The following KCNMA1 variants were observed in gnomAD, a reference collection of about 807,000 sequenced individuals.
KCNMA1 encodes Calcium-activated potassium channel subunit alpha-1.
Under a neutral mutation model 140.0 loss-of-function variants are expected in KCNMA1, and 29 were observed. The ratio of observed to expected loss-of-function variants is 0.21; its 90% CI spans 0.15 to 0.28. The LOEUF (loss-of-function observed/expected upper bound fraction) is 0.28, where lower values mean the gene tolerates loss of function less well. Ranked by LOEUF, KCNMA1 falls within the 10% of genes least tolerant of loss-of-function variation. The pLI, the probability that KCNMA1 is intolerant of heterozygous loss-of-function variation, is 1.00. For missense variants in KCNMA1, 880 were observed against 1,602.2 expected (o/e 0.55, Z 7.70); for synonymous variants, 612 against 611.9 (o/e 1.00, Z 0.00).
intron 1 of KCNMA1, among the ~76,000 whole-genome samples, chr10:77,538,115 C>T (rs1041841078): frequency 6.6e-6 from 1 of 151,874 alleles, no homozygotes; most frequent in Non-Finnish European, 1.5e-5. Flanking sequence ...TACACACACT[C>T]ACACACACCC....
chr10:77,019,110 AAC>A lies in KCNMA1; in HGVS notation c.1929-13_1929-12del. 1 of 1,304,916 alleles carries A rather than the reference AAC, an allele frequency of 7.7e-7. No individual in the cohort carries two copies. Among genetic ancestry groups the A allele is most frequent in the East Asian group, 2.3e-5 (1 of 43,284 alleles). 80.8% of individuals were successfully genotyped at this position (1,304,916 alleles called of 1,614,324 possible). A position where few individuals can be genotyped will look rare whatever the true frequency, so the allele number is the denominator to read the frequency against. ...GGATTAATTAATATACTGCTCAGTG[AAC>A]AAAAACAAACAGAGAAGATACATTT... On this transcript the variant is annotated splice_polypyrimidine_tract_variant and intron_variant, in intron 16 of 27. Coordinates refer to ENST00000286628, the MANE Select transcript of KCNMA1 (RefSeq NM_001161352.2).
At chr10:77,281,568 T>C (rs1040579710) in intron 2 of KCNMA1, among the ~76,000 whole-genome samples, 2 of 152,084 alleles carry the variant, frequency 1.3e-5, no homozygotes, top group African/African-American at 4.8e-5. Flanking sequence ...GCTGACTTTA[T>C]CTAGACCACT....
intron 25 of KCNMA1, among the ~76,000 whole-genome samples, chr10:76,894,999 G>C (rs868861159): frequency 6.6e-6 from 1 of 152,132 alleles, no homozygotes; most frequent in Non-Finnish European, 1.5e-5. Context: ...CAGATAGCCC[G>C]GTGCCACACC....
rs563677383 is a variant in KCNMA1 at position 76,893,328 on chromosome 10, C to T, written c.3148-1609G>A. 2.6e-5 allele frequency among the ~76,000 whole-genome samples: 4 copies of T among 152,292 alleles called. No homozygotes were observed. The South Asian group carries it at 8.3e-4, about 32-fold the overall frequency. On this transcript the variant is annotated intron_variant, in intron 25 of 27. Transcript: ENST00000286628. ...CTTTGCCAAGTAGAGGAACAGTCAG[C>T]TCCATTCTCAACTTTCCTTTGAATT... is the stretch of plus-strand genomic sequence containing the variant.
intron 5 of KCNMA1, among the ~76,000 whole-genome samples, chr10:77,166,504 T>C (rs1409308454): frequency 6.6e-6 from 1 of 151,818 alleles, no homozygotes; most frequent in East Asian, 1.9e-4. Flanking sequence ...CTGCAACACA[T>C]ACTAGTTTGC....
chr10:77,462,654 T>C (rs2097900562), intron 1 of KCNMA1, among the ~76,000 whole-genome samples: 1 of 152,230 alleles, frequency 6.6e-6, no homozygotes, highest in African/African-American at 2.4e-5. Context: ...GTAAGGTCCC[T>C]GGGAAAGGGA....
At chr10:76,951,417 C>T (rs879823740) in intron 21 of KCNMA1, among the ~76,000 whole-genome samples, 6 of 152,184 alleles carry the variant, frequency 3.9e-5, no homozygotes, top group Non-Finnish European at 8.8e-5. Context: ...TATGACGGGA[C>T]TTGCCTGGTC....
rs1198288901 is a variant in KCNMA1 at position 76,885,194 on chromosome 10, CATATATATAGTT to C, written c.*2060_*2071del. On this transcript the variant is annotated 3_prime_UTR_variant, in exon 28 of 28. Transcript: ENST00000286628. ...CTTCATGATCCAATACTAGGGGATA[CATATATATAGTT>C]ATATATATAGTTATATATATATAAT... 83 of 875,998 alleles carry C rather than the reference CATATATATAGTT, an allele frequency of 9.5e-5. No homozygotes were observed. The highest frequency in any genetic ancestry group is 1.3e-4 in the African/African-American group (7 of 54,682). 54.3% of individuals were successfully genotyped at this position (875,998 alleles called of 1,614,324 possible). A position where few individuals can be genotyped will look rare whatever the true frequency, so the allele number is the denominator to read the frequency against.
intron 5 of KCNMA1, among the ~76,000 whole-genome samples, chr10:77,143,163 C>A (rs1051889532): frequency 6.6e-6 from 1 of 152,014 alleles, no homozygotes; most frequent in African/African-American, 2.4e-5. Flanking sequence ...ATAGACACAA[C>A]AATCCTTAAA....
intron 25 of KCNMA1, among the ~76,000 whole-genome samples, chr10:76,897,873 T>C (rs1315908994): frequency 6.6e-6 from 1 of 151,958 alleles, no homozygotes; most frequent in Non-Finnish European, 1.5e-5. Flanking sequence ...TGCCTGATCT[T>C]ATACAAGGAG....
intron 1 of KCNMA1, among the ~76,000 whole-genome samples, chr10:77,489,223 T>C (rs1036658517): frequency 6.6e-6 from 1 of 152,242 alleles, no homozygotes; most frequent in Non-Finnish European, 1.5e-5. Flanking sequence ...GTCTCAAATA[T>C]TGCATAGGGC....
rs111342809 is a variant in KCNMA1, at chr10:77,180,780, T to C, written c.808+2641A>G. ...AAGCACATTTAGAGCACATTTCTTT[T>C]GGAAAGCGACCACAGTTGATACAAA... On this transcript the variant is annotated intron_variant, in intron 5 of 27. Coordinates refer to ENST00000286628, the MANE Select transcript of KCNMA1 (RefSeq NM_001161352.2). Among the ~76,000 whole-genome samples, 183 of 152,342 alleles carry C rather than the reference T, an allele frequency of 1.2e-3. 1 individual carries two copies. The highest frequency in any genetic ancestry group is 4.3e-3 in the African/African-American group (177 of 41,580).
chr10:77,529,094 T>TA (rs199497461), intron 1 of KCNMA1, among the ~76,000 whole-genome samples: 1,635 of 151,160 alleles, frequency 0.011, 24 homozygotes, highest in African/African-American at 0.034. Flanking sequence ...ACCATAATAA[T>TA]AAAAAAAAAG....
intron 19 of KCNMA1, among the ~76,000 whole-genome samples, chr10:76,990,781 T>G (rs1437839343): frequency 3.9e-5 from 6 of 152,224 alleles, no homozygotes; most frequent in Admixed American, 3.9e-4. Flanking sequence ...TCATCTGCAC[T>G]GAAGAAATGG....
intron 1 of KCNMA1, among the ~76,000 whole-genome samples, chr10:77,612,839 A>G (rs1393945237): frequency 6.6e-6 from 1 of 152,160 alleles, no homozygotes; most frequent in African/African-American, 2.4e-5. Flanking sequence ...AAAACAGTGA[A>G]AATGAACAAT....
intron 1 of KCNMA1, among the ~76,000 whole-genome samples, chr10:77,436,885 T>C (rs1044428568): frequency 6.6e-6 from 1 of 152,056 alleles, no homozygotes; most frequent in South Asian, 2.1e-4. Flanking sequence ...AAGAAAATTA[T>C]CTGAATATGC....
intron 5 of KCNMA1, among the ~76,000 whole-genome samples, chr10:77,124,573 C>G (rs538774337): frequency 6.6e-6 from 1 of 152,278 alleles, no homozygotes; most frequent in East Asian, 1.9e-4. Context: ...AGGGAAATAT[C>G]TCCTTGCAAA....
intron 1 of KCNMA1, among the ~76,000 whole-genome samples, chr10:77,454,310 C>T (rs2097719008): frequency 6.6e-6 from 1 of 152,180 alleles, no homozygotes; most frequent in African/African-American, 2.4e-5. Flanking sequence ...CAAAGTGCCT[C>T]TCTAGCTCTG....
chr10:76,990,601 C>T (rs1447342589), intron 19 of KCNMA1, among the ~76,000 whole-genome samples: 1 of 152,196 alleles, frequency 6.6e-6, no homozygotes, highest in East Asian at 1.9e-4. Flanking sequence ...TCCTCCCTGT[C>T]TTCATTCCTA....
Sources: allele counts gnomAD v4.1 joint callset (sites outside exome capture counted in the v4.1 genomes callset), GRCh38; gene constraint gnomAD v4.1.1; transcripts MANE v1.5; gene names NCBI Gene and HGNC (gene_info 2026-07-23, HGNC 2026-07-21).